Variants in ZNF254 observed in about 807,000 individuals in gnomAD.
ZNF254 encodes CTD-2017D11.1.
ZNF254 carries 10 observed loss-of-function variants against 12.4 expected under a neutral mutation model. The observed-to-expected ratio is 0.80, with a 90% CI of 0.50 to 1.36. The LOEUF (loss-of-function observed/expected upper bound fraction) is 1.36, where lower values mean the gene tolerates loss of function less well. Among genes scored for constraint, ZNF254 ranks in the 40% most tolerant of loss-of-function variants. The probability of loss-of-function intolerance (pLI) is 0.00; values close to 1 mark genes in which losing one functional copy is unlikely to be tolerated. For missense variants in ZNF254, 996 were observed against 763.9 expected, an observed-to-expected ratio of 1.30 and a Z score of -3.58; for synonymous variants, 305 against 253.4, an observed-to-expected ratio of 1.20 and a Z score of -1.93.
intron 1 of ZNF254, among the ~76,000 whole-genome samples, chr19:24,102,234 T>G (rs867708391): frequency 3.3e-5 from 5 of 151,672 alleles, no homozygotes; most frequent in African/African-American, 7.3e-5. Flanking sequence ...AATTTGTTTT[T>G]TTTTTTTTTT....
Position 24,045,470 on chromosome 19 carries a change from T to C in ZNF254, c.-189-714T>C, listed in dbSNP as rs180746752. Among the ~76,000 whole-genome samples the C allele has an allele frequency of 5.8e-3, 873 of 151,698 alleles. 16 individuals carry two copies. Among genetic ancestry groups the C allele is most frequent in the Non-Finnish European group, 3.8e-3 (255 of 67,908 alleles). On this transcript the variant is annotated intron_variant, in intron 1 of 4. Coordinates refer to the ZNF254 transcript ENST00000613065. ...GAATCACGAGGTCGGGAGATCGAGA[T>C]CATCCTGGCTAACATGGTGAAACCC...
chr19:24,115,446 A>T (rs142641275), intron 3 of ZNF254, among the ~76,000 whole-genome samples: 1,774 of 135,040 alleles, frequency 0.013, 11 homozygotes, highest in Non-Finnish European at 0.016. Context: ...AACACCGCAT[A>T]TTCCCACTCA....
At chr19:24,089,567 G>A (rs925082851) in intron 1 of ZNF254, among the ~76,000 whole-genome samples, 1 of 152,068 alleles carries the variant, frequency 6.6e-6, no homozygotes, top group Non-Finnish European at 1.5e-5. Flanking sequence ...TACCCACCAT[G>A]GCTATGTCTG....
intron 2 of ZNF254, among the ~76,000 whole-genome samples, chr19:24,077,538 G>C (rs930161630): frequency 1.3e-5 from 2 of 152,226 alleles, no homozygotes; most frequent in African/African-American, 4.8e-5. Context: ...GTGTACCTGA[G>C]AATGCAGCAC....
chr19:24,110,943 T>C (rs1001954875), intron 3 of ZNF254, among the ~76,000 whole-genome samples: 11 of 152,230 alleles, frequency 7.2e-5, no homozygotes, highest in African/African-American at 2.4e-4. Flanking sequence ...TATTTCCTTT[T>C]TTAATTTTAT....
chr19:24,075,174 A>C (rs1971614170), intron 2 of ZNF254, among the ~76,000 whole-genome samples: 1 of 152,146 alleles, frequency 6.6e-6, no homozygotes, highest in Admixed American at 6.5e-5. Context: ...CAATTGCAAC[A>C]TATCACTTGA....
intron 1 of ZNF254, among the ~76,000 whole-genome samples, chr19:24,039,341 T>C (rs1176149338): frequency 6.6e-6 from 1 of 152,256 alleles, no homozygotes; most frequent in Non-Finnish European, 1.5e-5. Flanking sequence ...GCCACAACTG[T>C]CCAGAGCCAT....
chr19:24,071,969 A>C (rs1254354727), intron 2 of ZNF254, among the ~76,000 whole-genome samples: 4 of 152,152 alleles, frequency 2.6e-5, no homozygotes, highest in African/African-American at 9.6e-5. Flanking sequence ...GTATATATTG[A>C]AATATGGCTG....
At chr19:24,042,390 C>T (rs1328598229) in intron 1 of ZNF254, among the ~76,000 whole-genome samples, 2 of 152,180 alleles carry the variant, frequency 1.3e-5, no homozygotes, top group African/African-American at 4.8e-5. Context: ...CATTGGCAAC[C>T]CGCTCAGGTC....
At position 24,094,093 on chromosome 19, in the gene ZNF254, C is replaced by T. The variant is rs142381928; in HGVS notation, c.30+6756C>T. 5.6e-3 allele frequency among the ~76,000 whole-genome samples: 857 copies of T among 152,076 alleles called. 4 individuals are homozygous for T. The highest frequency in any genetic ancestry group is 0.012 in the Admixed American group (187 of 15,264). On this transcript the variant is annotated intron_variant, in intron 1 of 3. Transcript: ENST00000357002. ...CTTGGATGTTGTTGATTTACAGGGA[C>T]GCTACTAATTTTTGTACACTTACTT...
chr19:24,042,710 G>A (rs1021538362), intron 1 of ZNF254, among the ~76,000 whole-genome samples: 1 of 152,172 alleles, frequency 6.6e-6, no homozygotes, highest in Non-Finnish European at 1.5e-5. Flanking sequence ...CAGTACCTGT[G>A]TCTTCCCTAC....
intron 3 of ZNF254, among the ~76,000 whole-genome samples, chr19:24,125,409 A>G (rs1171191765): frequency 6.6e-6 from 1 of 151,732 alleles, no homozygotes; most frequent in East Asian, 1.9e-4. Context: ...ATTAATGTAT[A>G]CATCTTTTTT....
At chr19:24,037,579 G>A (rs987517090) in intron 1 of ZNF254, among the ~76,000 whole-genome samples, 6 of 151,714 alleles carry the variant, frequency 4.0e-5, no homozygotes, top group African/African-American at 7.3e-5. Context: ...GATAACAGGC[G>A]TGCACTACAA....
chr19:24,106,580 T>A lies in ZNF254; in HGVS notation c.190T>A (p.Cys64Ser). 6.3e-7 allele frequency: 1 copy of A among 1,584,212 alleles called. No individual in the cohort carries two copies. Among genetic ancestry groups the A allele is most frequent in the Non-Finnish European group, 8.6e-7 (1 of 1,163,314 alleles). ...IAVSKPDLIT[C>S]LEQGKEPWNM... ...TGTCTCTAAGCCAGACCTGATCACC[T>A]GTCTGGAACAAGGGAAAGAGCCCTG... The change falls in exon 3 of 4, where the codon TGT (cysteine) becomes AGT (serine). Residue 64 changes from cysteine to serine, a missense_variant. Transcript: ENST00000357002.
chr19:24,042,415 G>T (rs576166600), intron 1 of ZNF254, among the ~76,000 whole-genome samples: 1 of 152,162 alleles, frequency 6.6e-6, no homozygotes, highest in Admixed American at 6.5e-5. Context: ...TCCACACTGT[G>T]GAAACTTTGT....
intron 1 of ZNF254, among the ~76,000 whole-genome samples, chr19:24,041,475 G>T (rs542714788): frequency 6.6e-6 from 1 of 152,262 alleles, no homozygotes; most frequent in Non-Finnish European, 1.5e-5. Context: ...GCTGCGGAGG[G>T]TGTACTGAGT....
rs1975029650 is a variant in ZNF254 at position 24,128,139 on chromosome 19, A to G, written c.*159A>G. On this transcript the variant is annotated 3_prime_UTR_variant, in exon 4 of 4. Transcript: ENST00000357002. ...GCTGAAAAATCCTAGAAATGTGAAG[A>G]ATGTGAAAAAGCCTTTAAATGATTG... 1 of 726,742 alleles carries G rather than the reference A, an allele frequency of 1.4e-6. No homozygotes were observed. The highest frequency in any genetic ancestry group is 3.6e-5 in the Admixed American group (1 of 27,462). 45.0% of individuals were successfully genotyped at this position (726,742 alleles called of 1,614,324 possible). A position where few individuals can be genotyped will look rare whatever the true frequency, so the allele number is the denominator to read the frequency against.
At chr19:24,034,283 G>T (rs1969875533) in intron 1 of ZNF254, among the ~76,000 whole-genome samples, 1 of 107,550 alleles carries the variant, frequency 9.3e-6, no homozygotes, top group African/African-American at 3.1e-5. Context: ...TCCTGCAGAT[G>T]TCCCAGCCTG....
chr19:24,059,297 G>C (rs1028413609), intron 2 of ZNF254, among the ~76,000 whole-genome samples: 2 of 152,160 alleles, frequency 1.3e-5, no homozygotes, highest in African/African-American at 2.4e-5. Context: ...CAGCACCTAG[G>C]TGATGTCTTC....
Sources: allele counts gnomAD v4.1 joint callset (sites outside exome capture counted in the v4.1 genomes callset), GRCh38; gene constraint gnomAD v4.1.1; transcripts MANE v1.5; gene names NCBI Gene and HGNC (gene_info 2026-07-23, HGNC 2026-07-21).